Variants in RBMS3 observed in about 807,000 individuals in gnomAD.
The protein encoded by RBMS3 is RNA-binding motif, single-stranded-interacting protein 3.
Under a neutral mutation model 66.8 loss-of-function variants are expected in RBMS3, and 27 were observed. The ratio of observed to expected loss-of-function variants is 0.40; its 90% CI spans 0.30 to 0.56. The LOEUF (loss-of-function observed/expected upper bound fraction) is 0.56. Ranked by LOEUF, RBMS3 falls within the 20% of genes least tolerant of loss-of-function variation. The probability of loss-of-function intolerance (pLI) is 0.40; values close to 1 mark genes in which losing one functional copy is unlikely to be tolerated. For missense variants in RBMS3, 513 were observed against 549.5 expected (o/e 0.93, Z 0.66); for synonymous variants, 188 against 183.0 (o/e 1.03, Z -0.22).
intron 1 of RBMS3, among the ~76,000 whole-genome samples, chr3:29,354,540 C>CTATT (rs1229275830): frequency 1.3e-5 from 2 of 151,974 alleles, no homozygotes; most frequent in South Asian, 4.1e-4. Flanking sequence ...ATATTCTTGA[C>CTATT]TATTTGTATC....
intron 2 of RBMS3, among the ~76,000 whole-genome samples, chr3:29,470,173 C>T (rs1056143603): frequency 1.3e-5 from 2 of 151,488 alleles, no homozygotes; most frequent in African/African-American, 4.8e-5. Flanking sequence ...ATGACTAACC[C>T]CAACTTTTAC....
At chr3:29,438,031 TCTC>T (rs1559361466) in intron 2 of RBMS3, among the ~76,000 whole-genome samples, 67 of 130,926 alleles carry the variant, frequency 5.1e-4, no homozygotes, top group South Asian at 2.2e-3. Flanking sequence ...TGCTTGTTTC[TCTC>T]TCTCTCTCTC....
chr3:29,375,908 T>C (rs2125611794), intron 1 of RBMS3, among the ~76,000 whole-genome samples: 1 of 152,306 alleles, frequency 6.6e-6, no homozygotes, highest in African/African-American at 2.4e-5. Flanking sequence ...TGCGTGCTCA[T>C]TGTAGCACTA....
chr3:29,544,183 G>A (rs745382076), intron 3 of RBMS3, among the ~76,000 whole-genome samples: 7 of 152,012 alleles, frequency 4.6e-5, no homozygotes, highest in Non-Finnish European at 8.8e-5. Flanking sequence ...AAGACAAAAG[G>A]TTAAAGATTA....
chr3:29,991,440 C>A (rs544657205), intron 14 of RBMS3: 62 of 559,044 alleles, frequency 1.1e-4, no homozygotes, highest in Admixed American at 2.1e-4. Flanking sequence ...ATTATCTATG[C>A]ATCTCTGCTT....
chr3:29,787,811 C>G (rs906700317), intron 6 of RBMS3, among the ~76,000 whole-genome samples: 4 of 151,964 alleles, frequency 2.6e-5, no homozygotes, highest in Admixed American at 2.0e-4. Context: ...AACCAAACAC[C>G]ATCTGTTACC....
chr3:29,797,285 C>T (rs902419107), intron 6 of RBMS3, among the ~76,000 whole-genome samples: 1 of 152,204 alleles, frequency 6.6e-6, no homozygotes, highest in African/African-American at 2.4e-5. Flanking sequence ...GTTATGGAAA[C>T]AGCTTCTTTC....
intron 4 of RBMS3, among the ~76,000 whole-genome samples, chr3:29,667,897 T>C (rs2050832193): frequency 6.6e-6 from 1 of 152,166 alleles, no homozygotes; most frequent in South Asian, 2.1e-4. Flanking sequence ...AATAATTCTT[T>C]TTTATCATAC....
chr3:29,706,580 A>C (rs2052904575), intron 4 of RBMS3, among the ~76,000 whole-genome samples: 1 of 152,158 alleles, frequency 6.6e-6, no homozygotes, highest in South Asian at 2.1e-4. Flanking sequence ...CATAGTATGA[A>C]ATCATGTACC....
intron 5 of RBMS3, among the ~76,000 whole-genome samples, chr3:29,750,986 A>G (rs996204899): frequency 6.6e-6 from 1 of 152,234 alleles, no homozygotes; most frequent in African/African-American, 2.4e-5. Flanking sequence ...TGATCAAAAT[A>G]GAATCTGAAG....
At chr3:29,754,869 A>G (rs13062939) in intron 5 of RBMS3, among the ~76,000 whole-genome samples, 57,760 of 152,030 alleles carry the variant, frequency 0.38, 11,103 homozygotes, top group Middle Eastern at 0.43. Flanking sequence ...ATGAGTGAGA[A>G]AGCTGGTCAG....
At position 29,935,108 on chromosome 3, in the gene RBMS3, T is replaced by G. The variant is rs549700483; in HGVS notation, c.940-978T>G. Among the ~76,000 whole-genome samples the G allele has an allele frequency of 1.1e-3, 172 of 152,214 alleles. 3 individuals are homozygous for G. The highest frequency in any genetic ancestry group is 3.5e-3 in the African/African-American group (147 of 41,562). On this transcript the variant is annotated intron_variant, in intron 10 of 14. Transcript: ENST00000383767. ...CACAATCTTTAAATAAACATTGAAA[T>G]TATATACTCTCAAAGATTCCATCCA...
chr3:29,371,086 T>G (rs887323088), intron 1 of RBMS3, among the ~76,000 whole-genome samples: 2 of 152,222 alleles, frequency 1.3e-5, no homozygotes, highest in African/African-American at 4.8e-5. Flanking sequence ...GGGTTAGAAT[T>G]CCCAAAACGC....
intron 3 of RBMS3, among the ~76,000 whole-genome samples, chr3:29,533,295 TAAAC>T (rs893557370): frequency 1.1e-4 from 16 of 151,792 alleles, no homozygotes; most frequent in African/African-American, 3.9e-4. Flanking sequence ...GTGGGCAACA[TAAAC>T]AAGAACTCAT....
At chr3:29,919,924 A>G (rs948592717) in intron 10 of RBMS3, among the ~76,000 whole-genome samples, 6 of 152,238 alleles carry the variant, frequency 3.9e-5, no homozygotes, top group Non-Finnish European at 5.9e-5. Context: ...TTTAAGGAAA[A>G]TAATTATGAA....
intron 1 of RBMS3, among the ~76,000 whole-genome samples, chr3:29,324,424 T>A (rs1263544516): frequency 6.6e-6 from 1 of 152,166 alleles, no homozygotes; most frequent in African/African-American, 2.4e-5. Flanking sequence ...AAGAGCCAGG[T>A]CTTCTCATGT....
intron 3 of RBMS3, among the ~76,000 whole-genome samples, chr3:29,545,551 G>C (rs779912134): frequency 6.6e-6 from 1 of 152,064 alleles, no homozygotes; most frequent in Non-Finnish European, 1.5e-5. Context: ...GACTATCAAA[G>C]AAACAGGCAT....
intron 12 of RBMS3, among the ~76,000 whole-genome samples, chr3:29,986,337 A>G (rs1338563440): frequency 2.6e-5 from 4 of 152,230 alleles, no homozygotes; most frequent in African/African-American, 4.8e-5. Flanking sequence ...AAAACTAATT[A>G]ATGATACCAA....
chr3:29,464,257 G>A (rs1334857254), intron 2 of RBMS3, among the ~76,000 whole-genome samples: 2 of 152,160 alleles, frequency 1.3e-5, no homozygotes, highest in African/African-American at 4.8e-5. Flanking sequence ...AGGAGGCAAG[G>A]CCCTTCATGG....
Sources: gnomAD v4.1 joint callset for allele counts (sites outside exome capture counted in the v4.1 genomes callset) on GRCh38, gnomAD v4.1.1 for gene constraint, MANE v1.5 for transcripts, NCBI Gene and HGNC (gene_info 2026-07-23, HGNC 2026-07-21) for gene names.